Variants in BCAR1 observed in about 807,000 individuals in gnomAD.
The protein encoded by BCAR1 is BCAR1 scaffold protein, Cas family member, also known as breast cancer anti-estrogen resistance protein 1.
A neutral mutation model predicts 67.6 loss-of-function variants in BCAR1; 30 were observed. The observed-to-expected ratio is 0.44, with a 90% CI of 0.33 to 0.60. BCAR1 has a LOEUF of 0.60. Ranked by LOEUF, BCAR1 falls within the 20% of genes least tolerant of loss-of-function variation. The pLI is 0.02. For missense variants in BCAR1, 1,313 were observed against 1,222.3 expected (o/e 1.07, Z -1.11); for synonymous variants, 626 against 556.7 (o/e 1.12, Z -1.75).
intron 2 of BCAR1, among the ~76,000 whole-genome samples, chr16:75,239,914 G>A (rs1219308356): frequency 6.6e-6 from 1 of 152,234 alleles, no homozygotes; most frequent in East Asian, 1.9e-4. Context: ...CGCCATGGCT[G>A]TCTCCTTAGA....
chr16:75,231,783 C>T (rs1326988373), intron 6 of BCAR1, among the ~76,000 whole-genome samples: 2 of 152,244 alleles, frequency 1.3e-5, no homozygotes, highest in Non-Finnish European at 2.9e-5. Flanking sequence ...TGGAGGCACA[C>T]AGAGGACGGA....
chr16:75,232,130 C>T (rs775069275), intron 6 of BCAR1, among the ~76,000 whole-genome samples: 6 of 151,534 alleles, frequency 4.0e-5, no homozygotes, highest in East Asian at 1.9e-4. Flanking sequence ...GTGATCCGCC[C>T]GCCTCGGCAC....
chr16:75,256,875 C>A (rs2077788634), intron 1 of BCAR1, among the ~76,000 whole-genome samples: 1 of 152,148 alleles, frequency 6.6e-6, no homozygotes, highest in South Asian at 2.1e-4. Context: ...CAGGGCCCTC[C>A]CAGACAGGTC....
At chr16:75,267,997 A>G (rs1279932030) in exon 1 of BCAR1, 1 of 1,552,574 alleles carries the variant, frequency 6.4e-7, no homozygotes, top group Non-Finnish European at 8.7e-7. Flanking sequence ...TCCTGACACT[A>G]CCAGGTGTCT....
chr16:75,256,875 C>T (rs2077788634), intron 1 of BCAR1, among the ~76,000 whole-genome samples: 1 of 152,266 alleles, frequency 6.6e-6, no homozygotes, highest in East Asian at 1.9e-4. Context: ...CAGGGCCCTC[C>T]CAGACAGGTC....
chr16:75,235,106 T>G lies in BCAR1; in HGVS notation c.1793A>C (p.His598Pro). The change falls in exon 5 of 7, where the codon CAC (histidine) becomes CCC (proline). Residue 598 changes from histidine to proline, a missense_variant. His to Pro is a moderately conservative substitution (Grantham distance 77, BLOSUM62 -2). Around this residue, in one of 2 missense-constraint regions of BCAR1, gnomAD observed 1,272 missense variants for 1,137.5 expected, o/e 1.12. Coordinates refer to ENST00000162330, the MANE Select transcript of BCAR1 (RefSeq NM_014567.5). ...TCTGAAGAGCAGTGAGGCATTGCCG[T>G]GCAGGAAGGAGGCCAGCTGCTTGGC... ...EDAKQLASFL[H>P]GNASLLFRRT... 1 of 1,611,880 alleles carries G rather than the reference T, an allele frequency of 6.2e-7. No individual in the cohort carries two copies. The highest frequency in any genetic ancestry group is 8.5e-7 in the Non-Finnish European group (1 of 1,180,004).
At chr16:75,248,069 C>A (rs2077573356) in intron 1 of BCAR1, 11 of 1,572,662 alleles carry the variant, frequency 7.0e-6, no homozygotes, top group Non-Finnish European at 9.5e-6. Context: ...TCTTACTAGA[C>A]AGGAAAACCA....
chr16:75,231,904 G>A (rs570316798), intron 6 of BCAR1, among the ~76,000 whole-genome samples: 11 of 152,140 alleles, frequency 7.2e-5, no homozygotes, highest in Non-Finnish European at 1.6e-4. Flanking sequence ...TTTTTGAGAC[G>A]GAGTTTCGCT....
intron 1 of BCAR1, chr16:75,250,549 C>G (rs2077648173): frequency 1.3e-6 from 1 of 797,546 alleles, no homozygotes; most frequent in Non-Finnish European, 1.5e-6. Context: ...GGAACGGGAG[C>G]CTTGTGGTAG....
rs1298164224 is a variant in BCAR1, at chr16:75,236,980, T to G, written c.814A>C (p.Met272Leu). ...YGQEVYDTPP[M>L]AVKGPNGRDP... is the part of the protein sequence containing the mutation. The stretch of plus-strand genomic sequence containing the variant: ...CGGCCATTGGGACCCTTGACAGCCA[T>G]GGGGGGTGTGTCATACACCTGGGGC... The change falls in exon 4 of 7, where the codon ATG becomes CTG. Residue 272 changes from methionine to leucine, a missense_variant. This residue lies in a region of BCAR1 where 1,272 missense variants were observed against 1,137.5 expected (regional missense o/e 1.12). Coordinates refer to ENST00000162330, the MANE Select transcript of BCAR1 (RefSeq NM_014567.5). 1.2e-6 allele frequency: 2 copies of G among 1,605,926 alleles called. No individual in the cohort carries two copies. Among genetic ancestry groups the G allele is most frequent in the Admixed American group, 1.7e-5 (1 of 59,602 alleles).
intron 6 of BCAR1, among the ~76,000 whole-genome samples, chr16:75,231,498 T>C (rs1001849195): frequency 3.3e-5 from 5 of 152,268 alleles, no homozygotes; most frequent in Admixed American, 2.6e-4. Flanking sequence ...AGATTTCAGA[T>C]TCTTCACCGA....
intron 1 of BCAR1, among the ~76,000 whole-genome samples, chr16:75,256,668 T>G (rs2077784427): frequency 6.6e-6 from 1 of 152,198 alleles, no homozygotes; most frequent in Non-Finnish European, 1.5e-5. Context: ...CAGAGGCCCC[T>G]GCCGTAGGTG....
Position 75,243,080 on chromosome 16 carries a change from G to A in BCAR1, c.23C>T (p.Ala8Val). The A allele has an allele frequency of 6.3e-7, 1 of 1,591,274 alleles. No homozygotes were observed. Among genetic ancestry groups the A allele is most frequent in the Non-Finnish European group, 8.6e-7 (1 of 1,165,228 alleles). MNHLNVL[A>V]KALYDNVAES... is the part of the protein sequence containing the mutation. ...GGCCACATTGTCATAGAGCGCTTTG[G>A]CCAGCACGTTCTGGGGAGAGAGGAC... is the stretch of plus-strand genomic sequence containing the variant. Residue 8 changes from alanine to valine, a missense_variant, in exon 2 of 7, where the codon GCC becomes GTC. Coordinates refer to ENST00000162330, the MANE Select transcript of BCAR1 (RefSeq NM_014567.5).
At chr16:75,258,119 C>G (rs1394703051) in intron 1 of BCAR1, among the ~76,000 whole-genome samples, 3 of 152,246 alleles carry the variant, frequency 2.0e-5, no homozygotes, top group African/African-American at 7.2e-5. Flanking sequence ...CCATCACACA[C>G]TGGCCCCACC....
In BCAR1 at chr16:75,235,052, T is replaced by A. The variant is rs780614503; in HGVS notation, c.1847A>T (p.Glu616Val). Residue 616 changes from glutamate (E) to valine (V), a missense_variant, in exon 5 of 7, where the codon GAG becomes GTG. By Grantham distance (121) the Glu-to-Val change is moderately radical. Coordinates refer to ENST00000162330, the MANE Select transcript of BCAR1 (RefSeq NM_014567.5). ...GTTGGGGTGCAGGGTGCCACCCCCC[T>A]CAGGCCCCGGGGCAGTGGCCTTGGT... is the stretch of plus-strand genomic sequence containing the variant. Reference protein sequence around the residue: ...RRTKATAPGPEGGGTLHPNPT... With the variant: ...RRTKATAPGPVGGGTLHPNPT... 9 of 1,613,204 alleles carry A rather than the reference T, an allele frequency of 5.6e-6. No homozygotes were observed. Among genetic ancestry groups the A allele is most frequent in the Non-Finnish European group, 7.6e-6 (9 of 1,180,006 alleles).
chr16:75,265,674 G>T (rs2077993517), intron 1 of BCAR1: 1 of 880,716 alleles, frequency 1.1e-6, no homozygotes, highest in Non-Finnish European at 1.4e-6. Context: ...GCCTCCCCCA[G>T]CCGGTGCGCT....
At chr16:75,255,094 C>T (rs1046502294), upstream of BCAR1, among the ~76,000 whole-genome samples, 3 of 152,224 alleles carry the variant, frequency 2.0e-5, no homozygotes, top group South Asian at 2.1e-4. Context: ...CAAACCACAG[C>T]GCCTCAGTAG....
rs2076992745 is a variant in BCAR1 at position 75,233,935 on chromosome 16, C to G, written c.2011G>C (p.Gly671Arg). ...TGGGTCTTCTCAAACTCCTCCTTCCCCTGGAGGGCAGAGACAGGGGCTGCG... is the reference window on the plus strand; with the variant it reads ...TGGGTCTTCTCAAACTCCTCCTTCCGCTGGAGGGCAGAGACAGGGGCTGCG... ...MEDYDYVHLQ[G>R]KEEFEKTQKE... Residue 671 changes from glycine (G) to arginine (R), a missense_variant and splice_region_variant, in exon 6 of 7, where the codon GGG becomes CGG. Transcript: ENST00000162330. The G allele has an allele frequency of 6.2e-7, 1 of 1,603,594 alleles. No homozygotes were observed. The highest frequency in any genetic ancestry group is 8.5e-7 in the Non-Finnish European group (1 of 1,174,930).
chr16:75,244,798 AT>A (rs2077465199), intron 1 of BCAR1, among the ~76,000 whole-genome samples: 3 of 152,192 alleles, frequency 2.0e-5, no homozygotes, highest in African/African-American at 7.2e-5. Context: ...GAGGCCCTGG[AT>A]GGCTGCAACA....
Sources: allele counts gnomAD v4.1 joint callset (sites outside exome capture counted in the v4.1 genomes callset), GRCh38; gene constraint gnomAD v4.1.1; regional missense constraint gnomAD v4.1.1; transcripts MANE v1.5; gene names NCBI Gene and HGNC (gene_info 2026-07-23, HGNC 2026-07-21).